Variants in PDCD7 observed in about 807,000 individuals in gnomAD.
PDCD7 encodes the protein programmed cell death 7.
A neutral mutation model predicts 42.1 loss-of-function variants in PDCD7; 40 were observed. The ratio of observed to expected loss-of-function variants is 0.95; its 90% confidence interval spans 0.74 to 1.24. The LOEUF is 1.24. Ranked by LOEUF, PDCD7 falls within the 50% of genes most tolerant of loss-of-function variation. PDCD7 has a pLI of 0.00. For missense variants in PDCD7, 644 were observed against 662.8 expected (o/e 0.97, Z 0.31); for synonymous variants, 299 against 303.3 (o/e 0.99, Z 0.15).
At chr15:65,131,519 C>A (rs1218661956) in intron 1 of PDCD7, among the ~76,000 whole-genome samples, 2 of 152,090 alleles carry the variant, frequency 1.3e-5, no homozygotes, top group Non-Finnish European at 2.9e-5. Context: ...CAGGCTGAGG[C>A]GGGTGGATCA....
chr15:65,128,474 G>A (rs1367352697), intron 2 of PDCD7, among the ~76,000 whole-genome samples: 1 of 152,186 alleles, frequency 6.6e-6, no homozygotes, highest in African/African-American at 2.4e-5. Flanking sequence ...AACTTCGGTG[G>A]AGAAGCTTGA....
intron 2 of PDCD7, among the ~76,000 whole-genome samples, chr15:65,128,157 G>C (rs2087511199): frequency 6.6e-6 from 1 of 152,218 alleles, no homozygotes; most frequent in African/African-American, 2.4e-5. Flanking sequence ...ATTTGTTAGA[G>C]TGGCATTTGC....
At chr15:65,130,869 C>T (rs890530482) in intron 1 of PDCD7, among the ~76,000 whole-genome samples, 2 of 151,976 alleles carry the variant, frequency 1.3e-5, no homozygotes, top group African/African-American at 2.4e-5. Context: ...ACTCAGCTTA[C>T]GTGTCATTGT....
At chr15:65,119,677 CTAG>C (rs2087436394) in intron 3 of PDCD7, 38 bp downstream of exon 3, 1 of 1,576,292 alleles carries the variant, frequency 6.3e-7, no homozygotes, top group Non-Finnish European at 8.6e-7. Context: ...GAGCGTCAAT[CTAG>C]TATTTTCATT....
intron 2 of PDCD7, among the ~76,000 whole-genome samples, chr15:65,127,768 T>A (rs2087508789): frequency 6.6e-6 from 1 of 152,198 alleles, no homozygotes; most frequent in Non-Finnish European, 1.5e-5. Context: ...TGGACCAAAG[T>A]GAGGAAGATT....
Position 65,118,783 on chromosome 15 carries a change from G to C in PDCD7, c.1392C>G (p.Pro464=), listed in dbSNP as rs2087428170. 1.9e-6 allele frequency: 3 copies of C among 1,610,856 alleles called. No individual in the cohort carries two copies. The highest frequency in any genetic ancestry group is 2.5e-6 in the Non-Finnish European group (3 of 1,178,726). Residue 464 remains proline (P), a synonymous_variant, in exon 5 of 5, where the codon CCC becomes CCG. Transcript: ENST00000204549. The stretch of plus-strand genomic sequence containing the variant: ...GGAGCGGGGGAAGGACCCATCCTTG[G>C]GGAACGAAGTTGCCTTTGGGATGAT... ...PSDHPKGNFV[P]QGWVLPPLPS... is the part of the protein sequence containing the mutation.
At chr15:65,123,154 C>T (rs546029900) in intron 2 of PDCD7, among the ~76,000 whole-genome samples, 21 of 152,322 alleles carry the variant, frequency 1.4e-4, no homozygotes, top group African/African-American at 5.1e-4. Flanking sequence ...TTAATAGATA[C>T]TTCTTCAATG....
rs558501117 is a variant in PDCD7, at chr15:65,129,959, T to G, written c.871-789A>C. On this transcript the variant is annotated intron_variant, in intron 1 of 4. Transcript: ENST00000204549. ...TTTTTTTTGAGACAGGGTCTCATTC[T>G]GTTGCCCAGGCTGGAGTGTAGTGGT... is the stretch of plus-strand genomic sequence containing the variant. 2.1e-5 allele frequency among the ~76,000 whole-genome samples: 3 copies of G among 145,726 alleles called. No homozygotes were observed. The East Asian group carries it at 6.0e-4, about 29-fold the overall frequency.
rs2087497279 is a variant in PDCD7, at chr15:65,126,505, G to A, written c.1009+2527C>T. On this transcript the variant is annotated intron_variant, in intron 2 of 4. Transcript: ENST00000204549. The stretch of plus-strand genomic sequence containing the variant: ...ACAGTGGCTCACACCCTTAATCCTA[G>A]AACTTTGGGAGGCCAAGATGGGAGA... Among the ~76,000 whole-genome samples the A allele has an allele frequency of 3.3e-5, 5 of 152,206 alleles. No individual in the cohort carries two copies. In the South Asian group the frequency reaches 1.0e-3, roughly 32 times the overall value.
chr15:65,124,465 A>G (rs2087480711), intron 2 of PDCD7, among the ~76,000 whole-genome samples: 1 of 151,640 alleles, frequency 6.6e-6, no homozygotes, highest in African/African-American at 2.4e-5. Context: ...AGAAAAAGAA[A>G]CAGCACTTCT....
In PDCD7 at chr15:65,119,806, T is replaced by G; in HGVS notation, c.1158A>C (p.Lys386Asn). ...MLEGEQEEER[K>N]RELEKKQRKE... Reference sequence around the variant, plus strand: ...TTCTTTGTTTCTTTTCTAATTCTCTTTTCCTCTCTTCCTCTTGTTCTCCTT... The same window carrying G: ...TTCTTTGTTTCTTTTCTAATTCTCTGTTCCTCTCTTCCTCTTGTTCTCCTT... The change falls in exon 3 of 5, where the codon AAA becomes AAC. Residue 386 changes from lysine to asparagine, a missense_variant. Physicochemically the swap from Lys to Asn is moderately conservative, Grantham distance 94 (BLOSUM62 0). Transcript: ENST00000204549. 6.2e-7 allele frequency: 1 copy of G among 1,613,636 alleles called. No homozygotes were observed. Among genetic ancestry groups the G allele is most frequent in the East Asian group, 2.2e-5 (1 of 44,882 alleles).
In PDCD7 at chr15:65,133,541, A is replaced by G. The variant is rs962810735; in HGVS notation, c.241T>C (p.Tyr81His). The change falls in exon 1 of 5, where the codon TAC becomes CAC. Residue 81 changes from tyrosine to histidine, a missense_variant. Coordinates refer to ENST00000204549, the MANE Select transcript of PDCD7 (RefSeq NM_005707.2). ...SRGGGGAGAF[Y>H]PVPPPPLPPP... ...GGCAGCGGCGGTGGTGGCACCGGGT[A>G]GAAGGCGCCAGCGCCGCCTCCGCCG... 32 of 1,228,776 alleles carry G rather than the reference A, an allele frequency of 2.6e-5. No individual in the cohort carries two copies. The highest frequency in any genetic ancestry group is 2.8e-5 in the Non-Finnish European group (28 of 986,122). The allele number at this position is 1,228,776 out of a possible 1,614,324, so 76.1% of individuals were successfully genotyped here.
At chr15:65,127,589 G>C (rs1003514355) in intron 2 of PDCD7, among the ~76,000 whole-genome samples, 6 of 152,024 alleles carry the variant, frequency 3.9e-5, no homozygotes, top group African/African-American at 4.8e-5. Context: ...TCATCATTCA[G>C]CACTTAGTTG....
At position 65,133,140 on chromosome 15, in the gene PDCD7, C is replaced by G; in HGVS notation, c.642G>C (p.Pro214=). The G allele has an allele frequency of 6.5e-7, 1 of 1,534,304 alleles. No homozygotes were observed. The change falls in exon 1 of 5, where the codon CCG becomes CCC. Residue 214 remains proline (P), a synonymous_variant. Transcript: ENST00000204549. ...AWVLLYSQTA[P]LRAELAERLQ... is the part of the protein sequence containing the mutation. ...GCCGCTCGGCCAGTTCCGCGCGCAG[C>G]GGCGCGGTCTGGGAGTACAGCAGGA... is the stretch of plus-strand genomic sequence containing the variant.
At chr15:65,130,806 G>C (rs1289435482) in intron 1 of PDCD7, among the ~76,000 whole-genome samples, 3 of 151,324 alleles carry the variant, frequency 2.0e-5, no homozygotes, top group African/African-American at 4.9e-5. Context: ...CGGCATCACT[G>C]CACTTCAGTC....
intron 1 of PDCD7, among the ~76,000 whole-genome samples, chr15:65,132,288 T>A (rs1054802625): frequency 2.2e-5 from 3 of 136,186 alleles, no homozygotes; most frequent in South Asian, 2.3e-4. Context: ...AAGTTCTCTA[T>A]TTTTTTTTTT....
intron 2 of PDCD7, among the ~76,000 whole-genome samples, chr15:65,123,922 T>A (rs577003083): frequency 6.6e-6 from 1 of 152,178 alleles, no homozygotes; most frequent in Non-Finnish European, 1.5e-5. Flanking sequence ...CCTTTACAGG[T>A]AAATATTTTA....
chr15:65,131,024 C>T (rs1424508635), intron 1 of PDCD7, among the ~76,000 whole-genome samples: 1 of 152,140 alleles, frequency 6.6e-6, no homozygotes, highest in East Asian at 1.9e-4. Context: ...AAACCCCAGG[C>T]CACGGATGGT....
intron 2 of PDCD7, among the ~76,000 whole-genome samples, chr15:65,123,158 T>C (rs2087470610): frequency 6.6e-6 from 1 of 152,226 alleles, no homozygotes; most frequent in Admixed American, 6.5e-5. Context: ...TAGATACTTC[T>C]TCAATGAATG....
Sources: gnomAD v4.1 joint callset for allele counts (sites outside exome capture counted in the v4.1 genomes callset) on GRCh38, gnomAD v4.1.1 for gene constraint, MANE v1.5 for transcripts, NCBI Gene and HGNC (gene_info 2026-07-23, HGNC 2026-07-21) for gene names.